DPP10: variants seen among roughly 807,000 people sequenced by gnomAD.
DPP10 encodes the protein dipeptidyl peptidase like 10, also known as inactive dipeptidyl peptidase 10.
Under a neutral mutation model 120.9 loss-of-function variants are expected in DPP10, and 33 were observed. The observed-to-expected ratio is 0.27, with a 90% CI of 0.21 to 0.37. DPP10 has a LOEUF of 0.37. Among genes scored for constraint, DPP10 ranks in the 10% least tolerant of loss-of-function variants. The probability of loss-of-function intolerance (pLI) is 1.00; values close to 1 mark genes in which losing one functional copy is unlikely to be tolerated. For synonymous variants in DPP10, 337 were observed against 326.1 expected (o/e 1.03, Z -0.36); for missense variants, 816 against 942.8 (o/e 0.87, Z 1.76).
chr2:115,120,326 AAG>A (rs948284007), intron 1 of DPP10, among the ~76,000 whole-genome samples: 9 of 152,186 alleles, frequency 5.9e-5, no homozygotes, highest in African/African-American at 1.9e-4. Flanking sequence ...TTGGTGCTGG[AAG>A]AGAGAGACTC....
intron 3 of DPP10, among the ~76,000 whole-genome samples, chr2:115,370,630 A>G (rs2065346244): frequency 6.6e-6 from 1 of 152,138 alleles, no homozygotes; most frequent in South Asian, 2.1e-4. Context: ...TTAAACAAAC[A>G]AGGACTCCAG....
chr2:115,220,899 TATATC>T (rs977574960), intron 1 of DPP10, among the ~76,000 whole-genome samples: 41 of 149,952 alleles, frequency 2.7e-4, no homozygotes, highest in African/African-American at 8.7e-4. Context: ...TATATATTCA[TATATC>T]ATATTTATTT....
intron 1 of DPP10, among the ~76,000 whole-genome samples, chr2:115,172,943 T>C (rs2053457762): frequency 6.6e-6 from 1 of 152,114 alleles, no homozygotes; most frequent in Non-Finnish European, 1.5e-5. Context: ...TTATATAGAG[T>C]CCTCCTGACT....
chr2:115,214,344 G>A (rs2056689781), intron 1 of DPP10, among the ~76,000 whole-genome samples: 1 of 152,154 alleles, frequency 6.6e-6, no homozygotes, highest in South Asian at 2.1e-4. Flanking sequence ...TTCTGTCTGG[G>A]GGTTAAGCTT....
At chr2:115,185,393 T>A (rs527289251) in intron 1 of DPP10, among the ~76,000 whole-genome samples, 50 of 152,292 alleles carry the variant, frequency 3.3e-4, no homozygotes, top group African/African-American at 1.1e-3. Flanking sequence ...CCCATTAATG[T>A]GTATTTAGAG....
chr2:115,644,964 G>A (rs1249460941), intron 5 of DPP10, among the ~76,000 whole-genome samples: 1 of 151,984 alleles, frequency 6.6e-6, no homozygotes, highest in Non-Finnish European at 1.5e-5. Context: ...ATGTTTATTT[G>A]CAATATGAGT....
At chr2:114,460,725 T>A (rs1232171368) in intron 1 of DPP10, among the ~76,000 whole-genome samples, 1 of 152,176 alleles carries the variant, frequency 6.6e-6, no homozygotes, top group Non-Finnish European at 1.5e-5. Flanking sequence ...TATAAACTAA[T>A]AAAGAGGCAT....
At chr2:114,776,819 G>C (rs1681789710) in intron 1 of DPP10, among the ~76,000 whole-genome samples, 1 of 152,146 alleles carries the variant, frequency 6.6e-6, no homozygotes, top group Non-Finnish European at 1.5e-5. Context: ...TGGAAAAGGG[G>C]ATGAGTGGAG....
intron 1 of DPP10, among the ~76,000 whole-genome samples, chr2:114,615,133 T>C (rs1293365130): frequency 2.0e-5 from 3 of 152,168 alleles, no homozygotes; most frequent in Non-Finnish European, 4.4e-5. Context: ...GTACAAATCT[T>C]ATTGCATACC....
intron 1 of DPP10, among the ~76,000 whole-genome samples, chr2:115,014,721 A>G (rs1166938953): frequency 6.6e-6 from 1 of 152,154 alleles, no homozygotes; most frequent in Non-Finnish European, 1.5e-5. Flanking sequence ...ACCTCTATGC[A>G]AATAAACTAG....
At chr2:115,377,322 A>T (rs541129314) in intron 3 of DPP10, among the ~76,000 whole-genome samples, 1 of 151,760 alleles carries the variant, frequency 6.6e-6, no homozygotes, top group South Asian at 2.1e-4. Flanking sequence ...GCATTTTTTC[A>T]TGTGTTTTTT....
chr2:115,395,461 C>T (rs2067615779), intron 3 of DPP10, among the ~76,000 whole-genome samples: 2 of 152,150 alleles, frequency 1.3e-5, no homozygotes, highest in Admixed American at 6.5e-5. Context: ...CCCATAATAA[C>T]CTCCAAAGAC....
intron 1 of DPP10, among the ~76,000 whole-genome samples, chr2:115,099,300 C>T (rs560399690): frequency 5.3e-5 from 8 of 152,172 alleles, no homozygotes; most frequent in South Asian, 2.1e-4. Flanking sequence ...GGCGACAGAA[C>T]AAGACTCCAT....
intron 19 of DPP10, among the ~76,000 whole-genome samples, chr2:115,810,632 C>T (rs1278956333): frequency 6.6e-6 from 1 of 152,142 alleles, no homozygotes; most frequent in Non-Finnish European, 1.5e-5. Flanking sequence ...AGTTTGCAGT[C>T]TTAATTTGAT....
intron 1 of DPP10, among the ~76,000 whole-genome samples, chr2:114,955,251 G>A (rs1240572468): frequency 6.6e-6 from 1 of 152,274 alleles, no homozygotes; most frequent in East Asian, 1.9e-4. Flanking sequence ...TTGTGGGAGT[G>A]TAGCAGTGAG....
At chr2:115,541,403 C>A (rs912123666) in intron 5 of DPP10, among the ~76,000 whole-genome samples, 1 of 151,698 alleles carries the variant, frequency 6.6e-6, no homozygotes, top group East Asian at 1.9e-4. Context: ...GTTATTGAGG[C>A]ATATTACTGC....
intron 1 of DPP10, among the ~76,000 whole-genome samples, chr2:115,075,056 C>T (rs188748209): frequency 1.2e-3 from 180 of 152,228 alleles, no homozygotes; most frequent in Non-Finnish European, 2.1e-3. Context: ...AGCAGTTATA[C>T]GTGGGTCATG....
chr2:115,396,393 A>G (rs946218967), intron 3 of DPP10, among the ~76,000 whole-genome samples: 9 of 152,198 alleles, frequency 5.9e-5, no homozygotes, highest in African/African-American at 1.7e-4. Flanking sequence ...CAAATTATCA[A>G]TGTTTGTTTA....
At chr2:115,759,404 A>AT (rs1679822600) in intron 11 of DPP10, among the ~76,000 whole-genome samples, 2 of 151,962 alleles carry the variant, frequency 1.3e-5, no homozygotes, top group African/African-American at 4.8e-5. Context: ...TATAAAAAAA[A>AT]AAAAATAAAA....
Sources: gnomAD v4.1 joint callset for allele counts (sites outside exome capture counted in the v4.1 genomes callset) on GRCh38, gnomAD v4.1.1 for gene constraint, MANE v1.5 for transcripts, NCBI Gene and HGNC (gene_info 2026-07-23, HGNC 2026-07-21) for gene names.